TMEM268: variants seen among roughly 807,000 people sequenced by gnomAD.
TMEM268 encodes the protein transmembrane protein 268.
In TMEM268, 24 loss-of-function variants were observed where a neutral mutation model predicts 39.1. The ratio of observed to expected loss-of-function variants is 0.61; its 90% CI spans 0.44 to 0.86. The LOEUF is 0.86. Ranked by LOEUF, TMEM268 falls within the 40% of genes least tolerant of loss-of-function variation. The pLI is 0.00. For missense variants in TMEM268, 409 were observed against 428.6 expected (o/e 0.95, Z 0.40); for synonymous variants, 176 against 173.5 (o/e 1.01, Z -0.12).
intron 6 of TMEM268, among the ~76,000 whole-genome samples, chr9:114,636,164 G>C (rs544317543): frequency 8.5e-5 from 13 of 152,284 alleles, no homozygotes; most frequent in South Asian, 6.2e-4. Context: ...ACAGGTTGTC[G>C]TAATGTGAAT....
At chr9:114,623,397 C>T (rs867648715) in intron 2 of TMEM268, among the ~76,000 whole-genome samples, 5 of 152,296 alleles carry the variant, frequency 3.3e-5, no homozygotes, top group Admixed American at 6.5e-5. Flanking sequence ...CCATCTGCCT[C>T]GGCCTCCTAA....
chr9:114,638,510 G>A (rs756321292), intron 7 of TMEM268, 34 bp from the exon 8 acceptor site: 1 of 1,474,094 alleles, frequency 6.8e-7, no homozygotes, highest in South Asian at 1.4e-5. Flanking sequence ...CCTGATTTAG[G>A]CACTCCTGAG....
chr9:114,638,492 A>G (rs1394083184), intron 7 of TMEM268, 52 bp from the exon 8 acceptor site: 20 of 1,402,182 alleles, frequency 1.4e-5, no homozygotes, highest in Non-Finnish European at 1.6e-5. Flanking sequence ...TCAGCCTCGC[A>G]GATACCACCT....
At chr9:114,606,528 T>C (rs1845368332), upstream of TMEM268, among the ~76,000 whole-genome samples, 1 of 152,182 alleles carries the variant, frequency 6.6e-6, no homozygotes, top group Admixed American at 6.5e-5. Context: ...TCGGAAATAA[T>C]TTCTAAAATA....
rs917400619 is a variant in TMEM268, at chr9:114,643,029, T to C, written c.850-105T>C. 3 of 1,193,700 alleles carry C rather than the reference T, an allele frequency of 2.5e-6. No individual in the cohort carries two copies. In the Admixed American group the frequency reaches 5.7e-5, roughly 23 times the overall value. The allele number at this position is 1,193,700 out of a possible 1,614,324, so 73.9% of individuals were successfully genotyped here. ...GGTTCTTCCTAGAGAGCATCACTGC[T>C]GGGTCCAGGGGCAAGAAAGCAGCAT... On this transcript the variant is annotated intron_variant, in intron 8 of 8. Transcript: ENST00000288502.
chr9:114,622,979 A>C (rs571674062), intron 2 of TMEM268, among the ~76,000 whole-genome samples: 87 of 152,046 alleles, frequency 5.7e-4, no homozygotes, highest in African/African-American at 2.1e-3. Flanking sequence ...AATCCCAGCT[A>C]CTTGAAAGGC....
chr9:114,611,509 C>T lies in TMEM268; in HGVS notation c.-134C>T. On this transcript the variant is annotated 5_prime_UTR_variant, in exon 1 of 9. Coordinates refer to ENST00000288502, the MANE Select transcript of TMEM268 (RefSeq NM_153045.4). ...AGGCTGCGGCATTAGGGGCTCGGCG[C>T]CCCCGACCTTCCGCGTCCCGGGGTG... 6.1e-6 allele frequency: 1 copy of T among 163,750 alleles called. No individual in the cohort carries two copies. The highest frequency in any genetic ancestry group is 1.2e-5 in the Non-Finnish European group (1 of 80,492). The allele number at this position is 163,750 out of a possible 1,614,324, so 10.1% of individuals were successfully genotyped here. A position where few individuals can be genotyped will look rare whatever the true frequency, so the allele number is the denominator to read the frequency against.
chr9:114,609,964 T>C (rs975354198), upstream of TMEM268, among the ~76,000 whole-genome samples: 3 of 152,116 alleles, frequency 2.0e-5, no homozygotes, highest in East Asian at 3.9e-4. Context: ...ATCACCTTCA[T>C]GTCCACTAAG....
chr9:114,642,256 T>A (rs60476355), intron 8 of TMEM268, among the ~76,000 whole-genome samples: 3,380 of 152,314 alleles, frequency 0.022, 134 homozygotes, highest in African/African-American at 0.077. Context: ...GTGAACTGAT[T>A]ACTCTAGGTG....
Position 114,618,752 on chromosome 9 carries a change from C to G in TMEM268, c.106+1451C>G, listed in dbSNP as rs1845832454. Among the ~76,000 whole-genome samples, 3 of 152,122 alleles carry G rather than the reference C, an allele frequency of 2.0e-5. No homozygotes were observed. In the South Asian group the frequency reaches 6.2e-4, roughly 32 times the overall value. The stretch of plus-strand genomic sequence containing the variant: ...TTGAAGAATCTTCCTGGTGGCTCAG[C>G]CTAAGTCAGGACCCTCTGATATATT... On this transcript the variant is annotated intron_variant, in intron 2 of 8. Coordinates refer to ENST00000288502, the MANE Select transcript of TMEM268 (RefSeq NM_153045.4).
At chr9:114,633,128 T>C (rs1189855878) in intron 5 of TMEM268, among the ~76,000 whole-genome samples, 2 of 151,990 alleles carry the variant, frequency 1.3e-5, no homozygotes, top group Non-Finnish European at 1.5e-5. Flanking sequence ...CCCAAGTAGT[T>C]GGGACTACAG....
intron 2 of TMEM268, chr9:114,624,032 T>C (rs550736362): frequency 4.2e-6 from 1 of 238,746 alleles, no homozygotes; most frequent in South Asian, 6.0e-5. Flanking sequence ...ATTCCTTGTG[T>C]TGGGGAACAT....
At position 114,611,389 on chromosome 9, in the gene TMEM268, G is replaced by A. The variant is rs1845474742; in HGVS notation, c.-254G>A. ...CCGGCGGGCGGCTCCTCGGGGTTGG[G>A]CGACCGAGCGGGGCCGGCCGGGCGG... On this transcript the variant is annotated 5_prime_UTR_variant, in exon 1 of 9. Coordinates refer to ENST00000288502, the MANE Select transcript of TMEM268 (RefSeq NM_153045.4). The A allele has an allele frequency of 2.0e-5, 3 of 152,094 alleles. No individual in the cohort carries two copies. In the Admixed American group the frequency reaches 2.0e-4, roughly 10 times the overall value. The allele number at this position is 152,094 out of a possible 1,614,324, so 9.4% of individuals were successfully genotyped here.
At chr9:114,632,421 T>C (rs1228368395) in intron 5 of TMEM268, among the ~76,000 whole-genome samples, 1 of 152,182 alleles carries the variant, frequency 6.6e-6, no homozygotes, top group African/African-American at 2.4e-5. Flanking sequence ...TGAGAACTAT[T>C]ATTCTTGATC....
upstream of TMEM268, among the ~76,000 whole-genome samples, chr9:114,610,423 G>T (rs898274097): frequency 2.0e-5 from 3 of 152,220 alleles, no homozygotes; most frequent in African/African-American, 7.2e-5. Flanking sequence ...CCCCTTAAAA[G>T]GAAATGAGGC....
At chr9:114,638,819 A>T (rs1011962613) in intron 8 of TMEM268, 93 bp downstream of exon 8, 1 of 961,748 alleles carries the variant, frequency 1.0e-6, no homozygotes, top group Admixed American at 3.9e-5. Flanking sequence ...TCCCCAAGAC[A>T]TGCTTCTCTC....
chr9:114,623,351 G>A (rs1364782153), intron 2 of TMEM268, among the ~76,000 whole-genome samples: 3 of 152,034 alleles, frequency 2.0e-5, no homozygotes, highest in Non-Finnish European at 4.4e-5. Flanking sequence ...TCACCATGTT[G>A]GCCAGGCTGG....
chr9:114,635,043 A>C (rs1002705388), intron 6 of TMEM268, among the ~76,000 whole-genome samples: 1 of 152,174 alleles, frequency 6.6e-6, no homozygotes, highest in South Asian at 2.1e-4. Flanking sequence ...ACGGATGGAT[A>C]GATGACTAAA....
chr9:114,643,436 GC>G lies in TMEM268; in HGVS notation c.*125del. ...AGCATCTGGGGGCACTCCAAAAGGGGCCTGTGATGTCAGCCACTGGGGTGTT... is the reference window on the plus strand; with the variant it reads ...AGCATCTGGGGGCACTCCAAAAGGGGCTGTGATGTCAGCCACTGGGGTGTT... On this transcript the variant is annotated 3_prime_UTR_variant, in exon 9 of 9. Transcript: ENST00000288502. The G allele has an allele frequency of 1.3e-6, 1 of 799,880 alleles. No individual in the cohort carries two copies. The highest frequency in any genetic ancestry group is 2.0e-6 in the Non-Finnish European group (1 of 503,938). 49.5% of individuals were successfully genotyped at this position (799,880 alleles called of 1,614,324 possible). A position where few individuals can be genotyped will look rare whatever the true frequency, so the allele number is the denominator to read the frequency against.
Sources: allele counts gnomAD v4.1 joint callset (sites outside exome capture counted in the v4.1 genomes callset), GRCh38; gene constraint gnomAD v4.1.1; transcripts MANE v1.5; gene names NCBI Gene and HGNC (gene_info 2026-07-23, HGNC 2026-07-21).